The following CEP120 variants were observed in gnomAD, a reference collection of about 807,000 sequenced individuals.
CEP120 encodes the protein centrosomal protein 120.
A neutral mutation model predicts 126.5 loss-of-function variants in CEP120; 113 were observed. That is an observed-to-expected ratio of 0.89 (90% CI 0.77 to 1.04). CEP120 has a LOEUF of 1.04. CEP120 is among the 50% of genes least tolerant of loss of function. The pLI, the probability that CEP120 is intolerant of heterozygous loss-of-function variation, is 0.00. For synonymous variants in CEP120, 400 were observed against 394.3 expected (o/e 1.01, Z -0.17); for missense variants, 1,230 against 1,155.7 (o/e 1.06, Z -0.93).
chr5:123,393,134 T>C (rs1466958176), intron 6 of CEP120, among the ~76,000 whole-genome samples, 166 bp downstream of exon 6: 1 of 152,018 alleles, frequency 6.6e-6, no homozygotes, highest in Non-Finnish European at 1.5e-5. Flanking sequence ...GCCAACAACT[T>C]CATGACTCAG....
chr5:123,365,101 CAGAA>C (rs1770362446), intron 17 of CEP120, among the ~76,000 whole-genome samples: 1 of 151,484 alleles, frequency 6.6e-6, no homozygotes, highest in Admixed American at 6.6e-5. Flanking sequence ...AATGTTTTAT[CAGAA>C]AGCAGTTTAC....
intron 4 of CEP120, among the ~76,000 whole-genome samples, 191 bp from the exon 5 acceptor site, chr5:123,399,475 T>A (rs1224480786): frequency 6.6e-6 from 1 of 152,254 alleles, no homozygotes; most frequent in Non-Finnish European, 1.5e-5. Context: ...TCTTTCTGTA[T>A]GTAAAAGTAA....
In CEP120 at chr5:123,388,730, T is replaced by C. The variant is rs117669452; in HGVS notation, c.1256-124A>G. On this transcript the variant is annotated intron_variant, in intron 8 of 19. Coordinates refer to ENST00000306467, the MANE Select transcript of CEP120 (RefSeq NM_001375405.1). ...GCAGGAATTGGGCTATTTTGTCTCATGAACATATGAATTGAGGTATAAGTA... is the reference window on the plus strand; with the variant it reads ...GCAGGAATTGGGCTATTTTGTCTCACGAACATATGAATTGAGGTATAAGTA... 8.0e-4 allele frequency: 524 copies of C among 656,972 alleles called. 5 individuals are homozygous for C. In the East Asian group the frequency reaches 0.016, roughly 20 times the overall value. 40.7% of individuals were successfully genotyped at this position (656,972 alleles called of 1,614,324 possible). A position where few individuals can be genotyped will look rare whatever the true frequency, so the allele number is the denominator to read the frequency against.
intron 19 of CEP120, among the ~76,000 whole-genome samples, chr5:123,349,015 G>T (rs1769020743): frequency 6.6e-6 from 1 of 151,966 alleles, no homozygotes. Flanking sequence ...TTTGCTCAAA[G>T]AAAAATATAC....
intron 18 of CEP120, 61 bp from the exon 19 acceptor site, chr5:123,350,150 C>T: frequency 7.0e-7 from 1 of 1,431,704 alleles, no homozygotes; most frequent in Non-Finnish European, 9.6e-7. Context: ...TTTTATATGA[C>T]TTTGACTTGT....
intron 3 of CEP120, among the ~76,000 whole-genome samples, chr5:123,414,694 C>T (rs147987632): frequency 0.057 from 8,703 of 152,074 alleles, 332 homozygotes; most frequent in South Asian, 0.1. Context: ...CGGCCGGGCG[C>T]GGTGGCTCAC....
intron 18 of CEP120, among the ~76,000 whole-genome samples, chr5:123,361,846 A>G (rs1279937347): frequency 3.3e-5 from 5 of 151,830 alleles, no homozygotes; most frequent in Non-Finnish European, 1.5e-5. Flanking sequence ...CTTTAAAACC[A>G]CTCATTTAAT....
chr5:123,408,359 A>G (rs989859746), intron 4 of CEP120, among the ~76,000 whole-genome samples: 4 of 152,062 alleles, frequency 2.6e-5, no homozygotes, highest in Non-Finnish European at 4.4e-5. Flanking sequence ...AATAAAATCA[A>G]TAAGCCTCCA....
chr5:123,353,052 A>C (rs72789850), intron 18 of CEP120, among the ~76,000 whole-genome samples: 6,925 of 152,034 alleles, frequency 0.046, 218 homozygotes, highest in Non-Finnish European at 0.069. Flanking sequence ...CATCTGTGTT[A>C]TCTGCAAATA....
chr5:123,395,681 CT>C (rs369612860), intron 5 of CEP120, among the ~76,000 whole-genome samples: 5,525 of 127,302 alleles, frequency 0.043, 162 homozygotes, highest in African/African-American at 0.12. Flanking sequence ...TACTTCATTC[CT>C]TTTTTTTTTT....
intron 1 of CEP120, among the ~76,000 whole-genome samples, chr5:123,420,645 T>C (rs1481125804): frequency 6.6e-6 from 1 of 152,166 alleles, no homozygotes; most frequent in South Asian, 2.1e-4. Context: ...AGATTTGCAT[T>C]TCAGAAAGAT....
intron 4 of CEP120, among the ~76,000 whole-genome samples, chr5:123,402,566 C>A (rs550359056): frequency 6.8e-4 from 104 of 152,222 alleles, no homozygotes; most frequent in Non-Finnish European, 1.2e-3. Flanking sequence ...CTTGTGCCAC[C>A]AAGCCAGGCT....
chr5:123,357,473 T>C (rs552117290), intron 18 of CEP120, among the ~76,000 whole-genome samples: 6 of 152,250 alleles, frequency 3.9e-5, no homozygotes, highest in African/African-American at 1.4e-4. Flanking sequence ...ATAATAATGG[T>C]AGTATTTCAA....
At chr5:123,369,020 T>C (rs1466451089) in intron 17 of CEP120, among the ~76,000 whole-genome samples, 2 of 151,932 alleles carry the variant, frequency 1.3e-5, no homozygotes, top group Non-Finnish European at 2.9e-5. Flanking sequence ...GTCAAAAAAG[T>C]TTGAGAACTA....
chr5:123,417,784 T>A (rs1309614192), intron 2 of CEP120, among the ~76,000 whole-genome samples: 2 of 151,722 alleles, frequency 1.3e-5, no homozygotes, highest in African/African-American at 2.4e-5. Context: ...CTGGATTGCC[T>A]GGGCTCTACC....
intron 12 of CEP120, 24 bp downstream of exon 12, chr5:123,382,962 T>C: frequency 6.3e-7 from 1 of 1,596,832 alleles, no homozygotes; most frequent in Non-Finnish European, 8.5e-7. Flanking sequence ...TAAAAAAAAT[T>C]TGATAACATT....
At chr5:123,376,254 G>A (rs1771215861) in intron 16 of CEP120, among the ~76,000 whole-genome samples, 1 of 152,088 alleles carries the variant, frequency 6.6e-6, no homozygotes, top group African/African-American at 2.4e-5. Flanking sequence ...AAGATTTCTA[G>A]GAGTGGGTGA....
chr5:123,405,768 C>T (rs1441731893), intron 4 of CEP120, among the ~76,000 whole-genome samples: 2 of 152,024 alleles, frequency 1.3e-5, no homozygotes, highest in African/African-American at 2.4e-5. Flanking sequence ...TTCCTTTTGT[C>T]CCATACATCA....
At chr5:123,359,274 T>A (rs1769889487) in intron 18 of CEP120, among the ~76,000 whole-genome samples, 1 of 152,022 alleles carries the variant, frequency 6.6e-6, no homozygotes, top group African/African-American at 2.4e-5. Flanking sequence ...CTCTTTCCTG[T>A]CCTGGGAACA....
Sources: gnomAD v4.1 joint callset for allele counts (sites outside exome capture counted in the v4.1 genomes callset) on GRCh38, gnomAD v4.1.1 for gene constraint, MANE v1.5 for transcripts, NCBI Gene and HGNC (gene_info 2026-07-23, HGNC 2026-07-21) for gene names.